The following CFAP70 variants were observed in gnomAD, a reference collection of about 807,000 sequenced individuals.
CFAP70 encodes the protein cilia- and flagella-associated protein 70.
In CFAP70, 81 loss-of-function variants were observed where a neutral mutation model predicts 137.6. The observed-to-expected ratio is 0.59, with a 90% CI of 0.49 to 0.71. The LOEUF is 0.71. Among genes scored for constraint, CFAP70 ranks in the 30% least tolerant of loss-of-function variants. The pLI, the probability that CFAP70 is intolerant of heterozygous loss-of-function variation, is 0.00. For missense variants in CFAP70, 976 were observed against 1,226.7 expected, an observed-to-expected ratio of 0.80 and a Z score of 3.05; for synonymous variants, 382 against 423.6, an observed-to-expected ratio of 0.90 and a Z score of 1.20.
chr10:73,272,810 C>G lies in CFAP70; in HGVS notation c.2925+118G>C, dbSNP rs576917567. The G allele has an allele frequency of 5.1e-5, 44 of 863,368 alleles. No individual in the cohort carries two copies. The African/African-American group carries it at 7.0e-4, about 14-fold the overall frequency. The allele number at this position is 863,368 out of a possible 1,614,324, so 53.5% of individuals were successfully genotyped here. On this transcript the variant is annotated intron_variant, in intron 24 of 26. Transcript: ENST00000310715. ...ACCTTTGAAGAACAACTTTTCATTACAGCAGACAGCCCTGATTGCTATTCC... is the reference window on the plus strand; with the variant it reads ...ACCTTTGAAGAACAACTTTTCATTAGAGCAGACAGCCCTGATTGCTATTCC...
At chr10:73,351,449 T>C (rs1176533217) in intron 3 of CFAP70, among the ~76,000 whole-genome samples, 2 of 151,754 alleles carry the variant, frequency 1.3e-5, no homozygotes, top group Non-Finnish European at 2.9e-5. Context: ...GTTTTTGTTT[T>C]TTGAGAGAAA....
At chr10:73,286,450 A>C (rs1217372922) in intron 19 of CFAP70, among the ~76,000 whole-genome samples, 2 of 152,102 alleles carry the variant, frequency 1.3e-5, no homozygotes, top group East Asian at 3.8e-4. Context: ...TCTCAAAAAC[A>C]AACAAACAAA....
At chr10:73,256,598 T>G (rs1434836782) in intron 25 of CFAP70, among the ~76,000 whole-genome samples, 182 bp from the exon 27 acceptor site, 1 of 148,630 alleles carries the variant, frequency 6.7e-6, no homozygotes, top group African/African-American at 2.5e-5. Flanking sequence ...GAGAAAAAGG[T>G]TTTTTTTTTA....
chr10:73,311,545 A>G (rs1731387831), intron 11 of CFAP70, among the ~76,000 whole-genome samples: 1 of 152,184 alleles, frequency 6.6e-6, no homozygotes, highest in Non-Finnish European at 1.5e-5. Flanking sequence ...AGATGAATAA[A>G]TGCTGCAGAT....
chr10:73,343,928 T>G (rs1395070874), intron 5 of CFAP70, among the ~76,000 whole-genome samples: 2 of 151,976 alleles, frequency 1.3e-5, no homozygotes, highest in Non-Finnish European at 2.9e-5. Context: ...ATTGACAAAC[T>G]TGAAAGAAAA....
At chr10:73,326,920 T>C (rs1460827288) in intron 8 of CFAP70, among the ~76,000 whole-genome samples, 3 of 151,664 alleles carry the variant, frequency 2.0e-5, no homozygotes, top group East Asian at 1.9e-4. Context: ...AAGGAGGAAC[T>C]GGTACCATTC....
chr10:73,256,377 T>C, exon 26 of CFAP70: 1 of 1,614,114 alleles, frequency 6.2e-7, no homozygotes. Context: ...ACCTTGATCA[T>C]GTACTTGTAG....
intron 19 of CFAP70, among the ~76,000 whole-genome samples, chr10:73,283,205 A>G (rs1486471066): frequency 2.6e-5 from 4 of 152,276 alleles, no homozygotes; most frequent in African/African-American, 9.6e-5. Flanking sequence ...GAGATCATAC[A>G]TTGTATGATT....
chr10:73,266,658 A>G (rs535463292), intron 25 of CFAP70, among the ~76,000 whole-genome samples: 71 of 152,292 alleles, frequency 4.7e-4, no homozygotes, highest in African/African-American at 1.6e-3. Context: ...AAAGTCATGA[A>G]TGGGTGTTAA....
intron 4 of CFAP70, 25 bp downstream of exon 4, chr10:73,348,398 C>A: frequency 6.3e-7 from 1 of 1,597,010 alleles, no homozygotes; most frequent in African/African-American, 1.3e-5. Context: ...TCCATTTCTG[C>A]TTTTGGGCAA....
chr10:73,323,398 G>A (rs1029025098), intron 8 of CFAP70, among the ~76,000 whole-genome samples: 12 of 151,800 alleles, frequency 7.9e-5, no homozygotes, highest in East Asian at 5.8e-4. Flanking sequence ...CGTGAGCGAC[G>A]CAGAAGATGG....
chr10:73,273,682 T>C (rs950465894), intron 23 of CFAP70, among the ~76,000 whole-genome samples: 2 of 152,216 alleles, frequency 1.3e-5, no homozygotes, highest in Non-Finnish European at 2.9e-5. Context: ...TACAGTGGGA[T>C]AGGGATTTCT....
At chr10:73,288,731 T>C (rs2047937228) in intron 19 of CFAP70, among the ~76,000 whole-genome samples, 1 of 152,222 alleles carries the variant, frequency 6.6e-6, no homozygotes. Flanking sequence ...GCATATGACT[T>C]CTCAAGCAGG....
intron 2 of CFAP70, 81 bp from the exon 3 acceptor site, chr10:73,353,823 G>T: frequency 7.5e-7 from 1 of 1,337,756 alleles, no homozygotes; most frequent in South Asian, 1.3e-5. Flanking sequence ...TTTTGATTTG[G>T]GCTAAATAGC....
intron 3 of CFAP70, among the ~76,000 whole-genome samples, chr10:73,351,327 C>T (rs1835008031): frequency 6.6e-6 from 1 of 151,726 alleles, no homozygotes; most frequent in African/African-American, 2.4e-5. Context: ...ACCGTGTTAG[C>T]CAGGATGGTC....
At chr10:73,322,451 T>A (rs979719172) in intron 9 of CFAP70, among the ~76,000 whole-genome samples, 1 of 151,850 alleles carries the variant, frequency 6.6e-6, no homozygotes. Flanking sequence ...GTGGTGCACA[T>A]CTGTAGTCCC....
At chr10:73,315,289 A>G (rs1424255021) in intron 9 of CFAP70, among the ~76,000 whole-genome samples, 1 of 151,376 alleles carries the variant, frequency 6.6e-6, no homozygotes, top group Non-Finnish European at 1.5e-5. Flanking sequence ...AAAGAGCATG[A>G]TTCAGTGATT....
chr10:73,320,691 G>A (rs1459724415), intron 9 of CFAP70, among the ~76,000 whole-genome samples: 1 of 150,364 alleles, frequency 6.7e-6, no homozygotes, highest in African/African-American at 2.4e-5. Flanking sequence ...TTTCTTGAGA[G>A]GGAGTCTCGC....
intron 9 of CFAP70, among the ~76,000 whole-genome samples, chr10:73,318,507 G>A (rs1365298097): frequency 1.3e-5 from 2 of 152,072 alleles, no homozygotes; most frequent in East Asian, 3.9e-4. Flanking sequence ...TAATAAAAGG[G>A]ACAGTTAAAA....
Sources: gnomAD v4.1 joint callset for allele counts (sites outside exome capture counted in the v4.1 genomes callset) on GRCh38, gnomAD v4.1.1 for gene constraint, MANE v1.5 for transcripts, NCBI Gene and HGNC (gene_info 2026-07-23, HGNC 2026-07-21) for gene names.